The following ATXN10 variants were observed in gnomAD, a reference collection of about 807,000 sequenced individuals.
ATXN10 encodes the protein ataxin-10.
Under a neutral mutation model 52.9 loss-of-function variants are expected in ATXN10, and 28 were observed. That is an observed-to-expected ratio of 0.53 (90% confidence interval 0.39 to 0.73). The LOEUF (loss-of-function observed/expected upper bound fraction) is 0.73. Ranked by LOEUF, ATXN10 falls within the 30% of genes least tolerant of loss-of-function variation. The pLI, the probability that ATXN10 is intolerant of heterozygous loss-of-function variation, is 0.00. For missense variants in ATXN10, 565 were observed against 577.0 expected, an observed-to-expected ratio of 0.98 and a Z score of 0.21; for synonymous variants, 226 against 221.5, an observed-to-expected ratio of 1.02 and a Z score of -0.18.
At position 45,787,495 on chromosome 22, in the gene ATXN10, C is replaced by G. The variant is rs1017454202; in HGVS notation, c.1174-19464C>G. On this transcript the variant is annotated intron_variant, in intron 9 of 11. Coordinates refer to ENST00000252934, the MANE Select transcript of ATXN10 (RefSeq NM_013236.4). The surrounding 1 kb of genome is among the most constrained non-coding windows in gnomAD (Gnocchi z 4.2). ...CCTTCCCACCTTCTAGCCTCCAGTT[C>G]CCAAGCCTGGCATTTGCTTCTTTTG... Among the ~76,000 whole-genome samples the G allele has an allele frequency of 6.6e-6, 1 of 152,208 alleles. No individual in the cohort carries two copies. Among genetic ancestry groups the G allele is most frequent in the Admixed American group, 6.5e-5 (1 of 15,290 alleles).
intron 9 of ATXN10, among the ~76,000 whole-genome samples, chr22:45,753,200 G>A (rs376402197): frequency 1.7e-4 from 24 of 145,306 alleles, no homozygotes; most frequent in South Asian, 9.0e-4. Flanking sequence ...CTCTCCACCC[G>A]CGGTTTCTTT....
At position 45,764,186 on chromosome 22, in the gene ATXN10, A is replaced by G. The variant is rs547196317; in HGVS notation, c.1173+23648A>G. Among the ~76,000 whole-genome samples, 13 of 151,606 alleles carry G rather than the reference A, an allele frequency of 8.6e-5. No individual in the cohort carries two copies. In the East Asian group the frequency reaches 1.8e-3, roughly 21 times the overall value. Reference sequence around the variant, plus strand: ...GCAGGAATCATCTTCTCCCTCCCCCATCGCAGGGGAGTTCCCTCTCTGCAG... The same window carrying G: ...GCAGGAATCATCTTCTCCCTCCCCCGTCGCAGGGGAGTTCCCTCTCTGCAG... On this transcript the variant is annotated intron_variant, in intron 9 of 11. Coordinates refer to ENST00000252934, the MANE Select transcript of ATXN10 (RefSeq NM_013236.4).
At chr22:45,695,232 G>A (rs966996703) in intron 3 of ATXN10, among the ~76,000 whole-genome samples, 2 of 150,502 alleles carry the variant, frequency 1.3e-5, no homozygotes, top group African/African-American at 4.9e-5. Context: ...GCTGAGGCAG[G>A]AGAATGGCAT....
rs569851327 is a variant in ATXN10, at chr22:45,746,003, A to C, written c.1173+5465A>C. ...TTTGAAAGTCTTTTTTTATGTTTGA[A>C]TATATTCTAATTTACTGTAATTTGC... On this transcript the variant is annotated intron_variant, in intron 9 of 11. Transcript: ENST00000252934. Among the ~76,000 whole-genome samples the C allele has an allele frequency of 3.3e-5, 5 of 152,216 alleles. No homozygotes were observed. In the East Asian group the frequency reaches 9.6e-4, roughly 29 times the overall value.
rs79170348 is a variant in ATXN10 at position 45,701,605 on chromosome 22, G to T, written c.489-1084G>T. ...AATTCAAGCTACAGAAATAGGCATT[G>T]CTTATTTTTGAGAATTCATTCCCTT... On this transcript the variant is annotated intron_variant, in intron 4 of 11. Coordinates refer to ENST00000252934, the MANE Select transcript of ATXN10 (RefSeq NM_013236.4). This position sits in a 1 kb window ranked among gnomAD's most constrained non-coding sequence, Gnocchi z 4.2. Among the ~76,000 whole-genome samples, 2,181 of 152,282 alleles carry T rather than the reference G, an allele frequency of 0.014. 42 individuals are homozygous for T. Among genetic ancestry groups the T allele is most frequent in the African/African-American group, 0.049 (2,024 of 41,552 alleles).
chr22:45,809,518 T>C (rs1928211825), intron 10 of ATXN10, among the ~76,000 whole-genome samples: 1 of 152,204 alleles, frequency 6.6e-6, no homozygotes, highest in Admixed American at 6.5e-5. Flanking sequence ...TGTTTCTTGA[T>C]ATATCAAGTT....
rs1342849183 is a variant in ATXN10, at chr22:45,832,531, T to G, written c.1238-10460T>G. 2.6e-5 allele frequency among the ~76,000 whole-genome samples: 4 copies of G among 152,334 alleles called. No homozygotes were observed. The East Asian group carries it at 7.7e-4, about 29-fold the overall frequency. On this transcript the variant is annotated intron_variant, in intron 10 of 11. Transcript: ENST00000252934. ...CCCCTTTCAGACTTTGTTTTTTGGTTTAGGGCCTGCCTCTGCAAGTGCTAG... is the reference window on the plus strand; with the variant it reads ...CCCCTTTCAGACTTTGTTTTTTGGTGTAGGGCCTGCCTCTGCAAGTGCTAG...
chr22:45,727,916 G>A lies in ATXN10; in HGVS notation c.729-1509G>A, dbSNP rs188402340. 5.9e-5 allele frequency among the ~76,000 whole-genome samples: 9 copies of A among 151,600 alleles called. No homozygotes were observed. Among genetic ancestry groups the A allele is most frequent in the African/African-American group, 1.9e-4 (8 of 41,238 alleles). On this transcript the variant is annotated intron_variant, in intron 6 of 11. Coordinates refer to ENST00000252934, the MANE Select transcript of ATXN10 (RefSeq NM_013236.4). This position sits in a 1 kb window ranked among gnomAD's most constrained non-coding sequence, Gnocchi z 4.6. The stretch of plus-strand genomic sequence containing the variant: ...CATAAGAGCTGTTCTGCTTGCTTTC[G>A]GTTTCCATTTGCATGAAATATCTTT...
chr22:45,689,883 T>C lies in ATXN10; in HGVS notation c.288T>C (p.Ser96=). The C allele has an allele frequency of 1.9e-6, 3 of 1,614,202 alleles. No homozygotes were observed. The highest frequency in any genetic ancestry group is 1.6e-4 in the Middle Eastern group (1 of 6,062). The change falls in exon 2 of 12, where the codon TCT becomes TCC. Residue 96 remains serine, a synonymous_variant. Coordinates refer to ENST00000252934, the MANE Select transcript of ATXN10 (RefSeq NM_013236.4). ...RCLRNACIEC[S]VNQNSIRNLD... ...TTCGCAATGCTTGCATAGAGTGTTC[T>C]GTGAACCAGAATTCAATCAGGTAGT... is the stretch of plus-strand genomic sequence containing the variant.
At position 45,708,244 on chromosome 22, in the gene ATXN10, A is replaced by C. The variant is rs932459232; in HGVS notation, c.647+5397A>C. On this transcript the variant is annotated intron_variant, in intron 5 of 11. Transcript: ENST00000252934. This position sits in a 1 kb window ranked among gnomAD's most constrained non-coding sequence, Gnocchi z 5.3. Reference sequence around the variant, plus strand: ...AGATGAATCCAGGGATTCTATTTTGAGTTCATCTAAATCTGAAAGTCCAGT... The same window carrying C: ...AGATGAATCCAGGGATTCTATTTTGCGTTCATCTAAATCTGAAAGTCCAGT... Among the ~76,000 whole-genome samples the C allele has an allele frequency of 6.6e-6, 1 of 152,152 alleles. No homozygotes were observed. The highest frequency in any genetic ancestry group is 2.4e-5 in the African/African-American group (1 of 41,430).
At chr22:45,743,088 C>T (rs1925599629) in intron 9 of ATXN10, among the ~76,000 whole-genome samples, 1 of 152,162 alleles carries the variant, frequency 6.6e-6, no homozygotes, top group Non-Finnish European at 1.5e-5. Flanking sequence ...GGAGTGTGCC[C>T]AAGTGCTGCT....
intron 2 of ATXN10, 33 bp from the exon 3 acceptor site, chr22:45,692,963 C>T (rs757824537): frequency 6.4e-7 from 1 of 1,563,078 alleles, no homozygotes; most frequent in Non-Finnish European, 8.8e-7. Context: ...AATGAATGAA[C>T]ATGTCTAATT....
At position 45,843,557 on chromosome 22, in the gene ATXN10, C is replaced by T; in HGVS notation, c.1426-112C>T. The T allele has an allele frequency of 1.0e-6, 1 of 957,804 alleles. No individual in the cohort carries two copies. The highest frequency in any genetic ancestry group is 2.0e-5 in the Admixed American group (1 of 50,970). The allele number at this position is 957,804 out of a possible 1,614,324, so 59.3% of individuals were successfully genotyped here. ...ATTGCATGAATTGTTTTAGGTTTCT[C>T]TAAGTTATTTGTCACCACTGACCAA... On this transcript the variant is annotated intron_variant, in intron 11 of 11. Coordinates refer to ENST00000252934, the MANE Select transcript of ATXN10 (RefSeq NM_013236.4). The surrounding 1 kb of genome is among the most constrained non-coding windows in gnomAD (Gnocchi z 4.5).
chr22:45,686,503 G>T (rs1322517281), intron 1 of ATXN10, among the ~76,000 whole-genome samples: 1 of 152,090 alleles, frequency 6.6e-6, no homozygotes, highest in African/African-American at 2.4e-5. Flanking sequence ...AGTTTCTCCA[G>T]GTCTGAGTTT....
intron 5 of ATXN10, among the ~76,000 whole-genome samples, chr22:45,717,005 A>G (rs1275435316): frequency 6.6e-6 from 1 of 152,084 alleles, no homozygotes; most frequent in African/African-American, 2.4e-5. Context: ...AAGCCCTAAT[A>G]GTATTTTGTT....
rs938697330 is a variant in ATXN10, at chr22:45,762,582, G to A, written c.1173+22044G>A. Among the ~76,000 whole-genome samples, 11 of 152,302 alleles carry A rather than the reference G, an allele frequency of 7.2e-5. No individual in the cohort carries two copies. Among genetic ancestry groups the A allele is most frequent in the African/African-American group, 2.6e-4 (11 of 41,578 alleles). ...CTTCCTCCTCGCTCTCCAGCTGGCT[G>A]AAGGGAAGCTGGGCAAGAGTGTATG... is the stretch of plus-strand genomic sequence containing the variant. On this transcript the variant is annotated intron_variant, in intron 9 of 11. Coordinates refer to ENST00000252934, the MANE Select transcript of ATXN10 (RefSeq NM_013236.4). The surrounding 1 kb of genome is among the most constrained non-coding windows in gnomAD (Gnocchi z 4.3).
At chr22:45,808,256 A>G (rs1451378202) in intron 10 of ATXN10, among the ~76,000 whole-genome samples, 1 of 152,230 alleles carries the variant, frequency 6.6e-6, no homozygotes, top group African/African-American at 2.4e-5. Context: ...GTCATGGGAA[A>G]GCAGTACGAG....
At chr22:45,778,240 A>G (rs1188886446) in intron 9 of ATXN10, among the ~76,000 whole-genome samples, 1 of 152,202 alleles carries the variant, frequency 6.6e-6, no homozygotes, top group South Asian at 2.1e-4. Flanking sequence ...TTGTACCTTA[A>G]TTTTTCCCCT....
At chr22:45,767,655 A>G (rs1926632736) in intron 9 of ATXN10, among the ~76,000 whole-genome samples, 1 of 152,168 alleles carries the variant, frequency 6.6e-6, no homozygotes, top group Non-Finnish European at 1.5e-5. Flanking sequence ...TAAAAAGGAA[A>G]TACAAATACA....
Sources: allele counts gnomAD v4.1 joint callset (sites outside exome capture counted in the v4.1 genomes callset), GRCh38; gene constraint gnomAD v4.1.1; non-coding constraint Gnocchi (gnomAD v3.1); transcripts MANE v1.5; gene names NCBI Gene and HGNC (gene_info 2026-07-23, HGNC 2026-07-21).